ARMC2: variants seen among roughly 807,000 people sequenced by gnomAD.
ARMC2 encodes the protein armadillo repeat containing 2.
Under a neutral mutation model 90.3 loss-of-function variants are expected in ARMC2, and 67 were observed. The ratio of observed to expected loss-of-function variants is 0.74; its 90% CI spans 0.61 to 0.91. ARMC2 has a LOEUF of 0.91. Among genes scored for constraint, ARMC2 ranks in the 40% least tolerant of loss-of-function variants. ARMC2 has a pLI of 0.00. For missense variants in ARMC2, 920 were observed against 1,030.9 expected, an observed-to-expected ratio of 0.89 and a Z score of 1.47; for synonymous variants, 393 against 393.0, an observed-to-expected ratio of 1.00 and a Z score of 0.00.
In ARMC2 at chr6:108,939,412, G is replaced by A. The variant is rs1054302427; in HGVS notation, c.1596+2413G>A. Among the ~76,000 whole-genome samples, 27 of 152,134 alleles carry A rather than the reference G, an allele frequency of 1.8e-4. 1 individual carries two copies. Among genetic ancestry groups the A allele is most frequent in the Non-Finnish European group, 2.4e-4 (16 of 68,036 alleles). ...GGGTTAGCACCATCCCCCTGGTGCT[G>A]TTCTCGTGGTAGTGAGTGAGTTTTC... On this transcript the variant is annotated intron_variant, in intron 12 of 17. Transcript: ENST00000392644.
At chr6:108,987,459 C>T in the ARMC2 span, 1 of 644,590 alleles carries the variant, frequency 1.6e-6, no homozygotes, top group Non-Finnish European at 2.7e-6. Context: ...ATTTTGTCTA[C>T]CATTGGTCCT....
At chr6:108,986,098 T>G in the ARMC2 span, among the ~76,000 whole-genome samples, 3 of 152,186 alleles carry the variant, frequency 2.0e-5, no homozygotes, top group Non-Finnish European at 4.4e-5. Context: ...ACAGCTTCAG[T>G]TAAACTTAGA....
chr6:108,890,219 A>AAAAAAAAAAAAAAAAAAC (rs1770859595), intron 5 of ARMC2, among the ~76,000 whole-genome samples: 1 of 105,828 alleles, frequency 9.4e-6, no homozygotes, highest in Non-Finnish European at 2.0e-5. Context: ...AAAAAAAAAA[A>AAAAAAAAAAAAAAAAAAC]AAAAAAAAAA....
the ARMC2 span, among the ~76,000 whole-genome samples, chr6:109,042,011 T>C: frequency 4.6e-5 from 7 of 152,124 alleles, no homozygotes; most frequent in Admixed American, 6.5e-5. Context: ...TCTCTGATCA[T>C]AACGAAATCA....
intron 12 of ARMC2, among the ~76,000 whole-genome samples, chr6:108,951,386 A>G (rs1451688665): frequency 6.6e-6 from 1 of 152,202 alleles, no homozygotes; most frequent in Non-Finnish European, 1.5e-5. Context: ...AGTCAGGAGC[A>G]GGGTCTCCTA....
chr6:108,957,254 G>T (rs959360508), intron 13 of ARMC2, among the ~76,000 whole-genome samples: 4 of 152,180 alleles, frequency 2.6e-5, no homozygotes, highest in African/African-American at 7.2e-5. Flanking sequence ...CTGACAGGGG[G>T]TCACCCCCCT....
intron 4 of ARMC2, 108 bp from the exon 5 acceptor site, chr6:108,876,035 G>A (rs1776896644): frequency 7.0e-6 from 7 of 999,908 alleles, no homozygotes; most frequent in Non-Finnish European, 1.0e-5. Context: ...TATAAGCAAT[G>A]TATAACTTTT....
At chr6:108,991,139 C>G in the ARMC2 span, among the ~76,000 whole-genome samples, 1 of 152,132 alleles carries the variant, frequency 6.6e-6, no homozygotes, top group Admixed American at 6.5e-5. Context: ...CTTTCACTCT[C>G]TCTCCACTCA....
the ARMC2 span, among the ~76,000 whole-genome samples, chr6:108,989,594 TAGAG>T: frequency 9.8e-4 from 141 of 143,242 alleles, 1 homozygote; most frequent in Middle Eastern, 3.8e-3. Flanking sequence ...TAGAGAGAGA[TAGAG>T]AGAGATAGAT....
chr6:109,018,507 T>C, the ARMC2 span, among the ~76,000 whole-genome samples: 1 of 152,214 alleles, frequency 6.6e-6, no homozygotes, highest in Admixed American at 6.5e-5. Context: ...CAGGAGAGGC[T>C]CAGGCACATT....
chr6:108,976,838 T>C (rs149185679), downstream of ARMC2, among the ~76,000 whole-genome samples: 17 of 152,348 alleles, frequency 1.1e-4, no homozygotes, highest in East Asian at 1.9e-3. Flanking sequence ...CTTGTGATTT[T>C]TGCACATTGA....
chr6:109,051,749 C>T, the ARMC2 span, among the ~76,000 whole-genome samples: 1 of 152,276 alleles, frequency 6.6e-6, no homozygotes, highest in Admixed American at 6.5e-5. Context: ...GTTTTGTTTT[C>T]TCTCACAGTT....
At chr6:108,858,369 TATC>T (rs1464815293) in intron 3 of ARMC2, 98 bp downstream of exon 3, 1 of 801,204 alleles carries the variant, frequency 1.2e-6, no homozygotes, top group Non-Finnish European at 2.0e-6. Context: ...CTATGATAAT[TATC>T]ATGTACACCT....
intron 14 of ARMC2, 77 bp downstream of exon 14, chr6:108,961,771 A>G: frequency 6.9e-7 from 1 of 1,443,630 alleles, no homozygotes; most frequent in Non-Finnish European, 9.3e-7. Flanking sequence ...ACAGAGCAGG[A>G]GACATTACTA....
At chr6:108,864,433 G>C (rs1408153764) in intron 3 of ARMC2, among the ~76,000 whole-genome samples, 1 of 152,008 alleles carries the variant, frequency 6.6e-6, no homozygotes, top group Non-Finnish European at 1.5e-5. Flanking sequence ...ATTTTTAGTA[G>C]AGACGGGGTT....
At chr6:109,009,379 C>T in the ARMC2 span, 1 of 1,468,178 alleles carries the variant, frequency 6.8e-7, no homozygotes, top group South Asian at 1.3e-5. Flanking sequence ...TCGCGGCCCC[C>T]GCCGCACTGC....
chr6:109,032,582 C>G, the ARMC2 span, among the ~76,000 whole-genome samples: 1 of 150,178 alleles, frequency 6.7e-6, no homozygotes, highest in African/African-American at 2.5e-5. Flanking sequence ...TGGGCCATTG[C>G]ACTCTAGCCT....
At chr6:109,021,461 CTT>C in the ARMC2 span, among the ~76,000 whole-genome samples, 1 of 146,614 alleles carries the variant, frequency 6.8e-6, no homozygotes. Flanking sequence ...CCTCATCCTT[CTT>C]TTTTTTTTTG....
rs758297619 is a variant in ARMC2 at position 108,904,306 on chromosome 6, T to C, written c.924T>C (p.Asn308=). 4.3e-6 allele frequency: 7 copies of C among 1,613,758 alleles called. No homozygotes were observed. In the Admixed American group the frequency reaches 5.0e-5, roughly 12 times the overall value. Residue 308 remains asparagine (N), a synonymous_variant, in exon 8 of 18, where the codon AAT becomes AAC. Transcript: ENST00000392644. ...TAGAGGAAGGAAACATGCTTGGAAA[T>C]AAATTTAAGGGAAGAAGTATTCTCC... The part of the protein sequence containing the change: ...HALEEGNMLG[N]KFKGRSILLK...
Sources: gnomAD v4.1 joint callset for allele counts (sites outside exome capture counted in the v4.1 genomes callset) on GRCh38, gnomAD v4.1.1 for gene constraint, MANE v1.5 for transcripts, NCBI Gene and HGNC (gene_info 2026-07-23, HGNC 2026-07-21) for gene names.